The following KCNB2 variants were observed in gnomAD, a reference collection of about 807,000 sequenced individuals.
The protein encoded by KCNB2 is delayed rectifier potassium channel protein.
KCNB2 carries 15 observed loss-of-function variants against 61.5 expected under a neutral mutation model. The ratio of observed to expected loss-of-function variants is 0.24; its 90% CI spans 0.16 to 0.38. The LOEUF (loss-of-function observed/expected upper bound fraction) is 0.38. Ranked by LOEUF, KCNB2 falls within the 10% of genes least tolerant of loss-of-function variation. The probability of loss-of-function intolerance (pLI) is 1.00; values close to 1 mark genes in which losing one functional copy is unlikely to be tolerated. For synonymous variants in KCNB2, 457 were observed against 446.0 expected (o/e 1.02, Z -0.31); for missense variants, 828 against 1,125.2 (o/e 0.74, Z 3.78).
chr8:72,660,789 G>GT (rs1331074148), intron 2 of KCNB2: 8 of 152,092 alleles, frequency 5.3e-5, no homozygotes, highest in Middle Eastern at 3.2e-3. Context: ...ATTCGCCTCT[G>GT]TTTTTATGAG....
chr8:72,779,350 C>T (rs2128997780), intron 2 of KCNB2, among the ~76,000 whole-genome samples: 1 of 152,270 alleles, frequency 6.6e-6, no homozygotes, highest in East Asian at 1.9e-4. Context: ...AAAACTGCAG[C>T]CACCCAAATA....
chr8:72,619,817 G>C (rs1021472683), intron 2 of KCNB2, among the ~76,000 whole-genome samples: 2 of 152,092 alleles, frequency 1.3e-5, no homozygotes, highest in African/African-American at 4.8e-5. Context: ...ACAGTAAAAA[G>C]TTTCAGAACC....
intron 2 of KCNB2, among the ~76,000 whole-genome samples, chr8:72,904,700 G>A (rs1366550916): frequency 6.6e-6 from 1 of 151,708 alleles, no homozygotes; most frequent in African/African-American, 2.4e-5. Context: ...GGGTACATGT[G>A]CACAACGTTT....
intron 2 of KCNB2, among the ~76,000 whole-genome samples, chr8:72,919,515 A>G (rs1317887721): frequency 6.6e-6 from 1 of 152,216 alleles, no homozygotes; most frequent in Non-Finnish European, 1.5e-5. Flanking sequence ...TCAGAAGAGA[A>G]GATTTGTGTG....
chr8:72,805,481 T>C (rs1024446002), intron 2 of KCNB2, among the ~76,000 whole-genome samples: 5 of 151,670 alleles, frequency 3.3e-5, no homozygotes, highest in Non-Finnish European at 7.4e-5. Flanking sequence ...GAAGATGGAG[T>C]TGAAGAACAT....
chr8:72,740,688 T>A (rs1345875418), intron 2 of KCNB2, among the ~76,000 whole-genome samples: 1 of 152,194 alleles, frequency 6.6e-6, no homozygotes, highest in Non-Finnish European at 1.5e-5. Context: ...CTTTGAATGC[T>A]TTAGTCTGAA....
intron 2 of KCNB2, among the ~76,000 whole-genome samples, chr8:72,873,309 T>G (rs952231747): frequency 1.3e-5 from 2 of 152,176 alleles, no homozygotes; most frequent in Non-Finnish European, 2.9e-5. Flanking sequence ...AGTACACAAA[T>G]GCAAGTCCCC....
intron 2 of KCNB2, among the ~76,000 whole-genome samples, chr8:72,802,260 CAAAT>C (rs959049542): frequency 4.6e-5 from 7 of 152,164 alleles, no homozygotes; most frequent in African/African-American, 1.2e-4. Flanking sequence ...TTTGACATGA[CAAAT>C]AACCCCTAAA....
chr8:72,541,303 C>T (rs1806184595), intron 1 of KCNB2, among the ~76,000 whole-genome samples: 1 of 151,872 alleles, frequency 6.6e-6, no homozygotes, highest in Non-Finnish European at 1.5e-5. Flanking sequence ...TTACTTGAGG[C>T]ACATACTGTT....
chr8:72,883,665 C>G (rs1407695927), intron 2 of KCNB2, among the ~76,000 whole-genome samples: 2 of 152,162 alleles, frequency 1.3e-5, no homozygotes, highest in East Asian at 3.9e-4. Context: ...CCTCCCCAAT[C>G]CCATTCTCTT....
At position 72,567,335 on chromosome 8, in the gene KCNB2, T is replaced by C. The variant is rs1242345527; in HGVS notation, c.-93-307T>C. The stretch of plus-strand genomic sequence containing the variant: ...CAAAAAAAAGAGTTGATCAAGCACA[T>C]GGATCTTTTAGTCTGCAGCTTGAGA... On this transcript the variant is annotated intron_variant, in intron 1 of 2. Coordinates refer to ENST00000523207, the MANE Select transcript of KCNB2 (RefSeq NM_004770.3). Among the ~76,000 whole-genome samples, 4 of 152,062 alleles carry C rather than the reference T, an allele frequency of 2.6e-5. No homozygotes were observed. In the East Asian group the frequency reaches 5.8e-4, roughly 22 times the overall value.
intron 2 of KCNB2, among the ~76,000 whole-genome samples, chr8:72,801,046 A>T (rs936371152): frequency 6.6e-6 from 1 of 152,190 alleles, no homozygotes; most frequent in African/African-American, 2.4e-5. Context: ...TGAGCAAGAA[A>T]AATTGACACT....
intron 2 of KCNB2, among the ~76,000 whole-genome samples, chr8:72,633,984 C>T (rs1038150921): frequency 8.8e-5 from 11 of 125,430 alleles, no homozygotes; most frequent in Admixed American, 5.3e-4. Context: ...CAGACTGGAA[C>T]ACCTTGCCAC....
At chr8:72,702,766 CA>C (rs1170984653) in intron 2 of KCNB2, among the ~76,000 whole-genome samples, 3 of 152,188 alleles carry the variant, frequency 2.0e-5, no homozygotes, top group Non-Finnish European at 2.9e-5. Context: ...GCCTGGCTGA[CA>C]GCTCTGGCAG....
At chr8:72,772,809 G>C (rs529436597) in intron 2 of KCNB2, among the ~76,000 whole-genome samples, 2 of 152,174 alleles carry the variant, frequency 1.3e-5, no homozygotes, top group Non-Finnish European at 2.9e-5. Flanking sequence ...CTGTTCCAAA[G>C]CATCAGTGGC....
chr8:72,573,394 C>T (rs141125370), intron 2 of KCNB2, among the ~76,000 whole-genome samples: 6 of 152,276 alleles, frequency 3.9e-5, no homozygotes, highest in African/African-American at 1.4e-4. Context: ...GGCTGTATAA[C>T]ACTCTTTGTT....
At chr8:72,916,571 T>G (rs1239318699) in intron 2 of KCNB2, among the ~76,000 whole-genome samples, 1 of 152,168 alleles carries the variant, frequency 6.6e-6, no homozygotes, top group Non-Finnish European at 1.5e-5. Flanking sequence ...GTGGACAGCT[T>G]AAGTGTTAAT....
At chr8:72,657,485 C>T (rs372365747) in intron 2 of KCNB2, among the ~76,000 whole-genome samples, 19 of 151,986 alleles carry the variant, frequency 1.3e-4, no homozygotes, top group East Asian at 9.6e-4. Context: ...ACTACATTCA[C>T]GTTATGGAGA....
intron 2 of KCNB2, among the ~76,000 whole-genome samples, chr8:72,714,989 T>C (rs1376312158): frequency 1.3e-5 from 2 of 151,488 alleles, no homozygotes; most frequent in South Asian, 2.1e-4. Flanking sequence ...ATGGAAAACA[T>C]AAAAAGGCAG....
Sources: gnomAD v4.1 joint callset for allele counts (sites outside exome capture counted in the v4.1 genomes callset) on GRCh38, gnomAD v4.1.1 for gene constraint, MANE v1.5 for transcripts, NCBI Gene and HGNC (gene_info 2026-07-23, HGNC 2026-07-21) for gene names.